DPH5: variants seen among roughly 807,000 people sequenced by gnomAD.
The protein encoded by DPH5 is diphthine methyl ester synthase.
DPH5 carries 31 observed loss-of-function variants against 31.6 expected under a neutral mutation model. The observed-to-expected ratio is 0.98, with a 90% CI of 0.74 to 1.32. The LOEUF (loss-of-function observed/expected upper bound fraction) is 1.32. Among genes scored for constraint, DPH5 ranks in the 40% most tolerant of loss-of-function variants. The pLI, the probability that DPH5 is intolerant of heterozygous loss-of-function variation, is 0.00. For synonymous variants in DPH5, 120 were observed against 115.0 expected (o/e 1.04, Z -0.28); for missense variants, 309 against 335.7 (o/e 0.92, Z 0.62).
chr1:100,992,538 G>T, intron 7 of DPH5, 99 bp downstream of exon 7: 1 of 768,448 alleles, frequency 1.3e-6, no homozygotes, highest in Non-Finnish European at 2.1e-6. Flanking sequence ...CAAAAATACT[G>T]ACTCTTGCTT....
Position 100,990,802 on chromosome 1 carries a change from C to CCCTAATAA in DPH5, c.635-172_635-171insTTATTAGG, listed in dbSNP as rs1232276969. ...AATTCATCCAAGGGATTTTCTAAAT[C>CCCTAATAA]ATTTGTATTACCTAATATAAAAGAG... On this transcript the variant is annotated intron_variant, in intron 7 of 7. Coordinates refer to ENST00000370109, the MANE Select transcript of DPH5 (RefSeq NM_015958.3). Among the ~76,000 whole-genome samples, 6 of 152,326 alleles carry CCCTAATAA rather than the reference C, an allele frequency of 3.9e-5. No individual in the cohort carries two copies. In the East Asian group the frequency reaches 1.2e-3, roughly 29 times the overall value.
chr1:101,015,901 A>C (rs1439746160), intron 3 of DPH5, among the ~76,000 whole-genome samples: 2 of 152,220 alleles, frequency 1.3e-5, no homozygotes, highest in Non-Finnish European at 2.9e-5. Context: ...ACTTGAAGAG[A>C]GTTCGAGCCT....
intron 3 of DPH5, among the ~76,000 whole-genome samples, chr1:101,017,792 A>G (rs1258841153): frequency 1.3e-5 from 2 of 152,254 alleles, no homozygotes; most frequent in African/African-American, 4.8e-5. Context: ...TATGAAAAAT[A>G]ATCATTAATT....
intron 6 of DPH5, among the ~76,000 whole-genome samples, chr1:100,994,297 AAC>A (rs1327892423): frequency 6.6e-6 from 1 of 152,210 alleles, no homozygotes; most frequent in Non-Finnish European, 1.5e-5. Context: ...GTTTTCCAAT[AAC>A]AGAGTATCAT....
At position 101,001,496 on chromosome 1, in the gene DPH5, T is replaced by C. The variant is rs1425176940; in HGVS notation, c.461A>G (p.Gln154Arg). The change falls in exon 5 of 8, where the codon CAA (glutamine) becomes CGA (arginine). Residue 154 changes from glutamine to arginine, a missense_variant. By Grantham distance (43) the Gln-to-Arg change is conservative. Coordinates refer to ENST00000370109, the MANE Select transcript of DPH5 (RefSeq NM_015958.3). ...SFFDKVKKNR[Q>R]NGMHTLCLLD... ...TAAACATAATGTGTGCATGCCATTT[T>C]GTCTGTTCTTCTTCACTTTGTCAAA... 1 of 1,613,876 alleles carries C rather than the reference T, an allele frequency of 6.2e-7. No individual in the cohort carries two copies. Among genetic ancestry groups the C allele is most frequent in the African/African-American group, 1.3e-5 (1 of 75,052 alleles).
At chr1:101,018,409 T>C (rs981926229) in intron 3 of DPH5, among the ~76,000 whole-genome samples, 26 of 152,172 alleles carry the variant, frequency 1.7e-4, no homozygotes, top group African/African-American at 6.3e-4. Context: ...GGCTACTTTT[T>C]TGTATTTTTA....
At chr1:100,997,922 G>A (rs1385836504) in intron 5 of DPH5, among the ~76,000 whole-genome samples, 1 of 151,980 alleles carries the variant, frequency 6.6e-6, no homozygotes, top group Non-Finnish European at 1.5e-5. Flanking sequence ...ATCTAACTTT[G>A]GGATAACAAG....
chr1:101,019,163 T>C (rs911415570), intron 3 of DPH5, among the ~76,000 whole-genome samples: 1 of 152,212 alleles, frequency 6.6e-6, no homozygotes, highest in Non-Finnish European at 1.5e-5. Context: ...AGGGATAGAA[T>C]GTTTGAGACT....
chr1:100,993,587 TATATATATATAG>T (rs1468871657), intron 6 of DPH5, among the ~76,000 whole-genome samples: 2 of 113,826 alleles, frequency 1.8e-5, no homozygotes, highest in Non-Finnish European at 3.8e-5. Flanking sequence ...TATATATATA[TATATATATATAG>T]CTATTGTGGC....
intron 2 of DPH5, 45 bp from the exon 3 acceptor site, chr1:101,021,810 C>G (rs112464837): frequency 1.9e-4 from 265 of 1,373,168 alleles, no homozygotes; most frequent in Non-Finnish European, 2.5e-4. Flanking sequence ...CAGCAGGTGA[C>G]CATTCTAACA....
At position 100,992,730 on chromosome 1, in the gene DPH5, T is replaced by A; in HGVS notation, c.541A>T (p.Ile181Phe). 1 of 1,612,586 alleles carries A rather than the reference T, an allele frequency of 6.2e-7. No individual in the cohort carries two copies. Among genetic ancestry groups the A allele is most frequent in the Non-Finnish European group, 8.5e-7 (1 of 1,178,904 alleles). ...SLENLIKGRK[I>F]YEPPRYMSVN... ...CTCATATACCGTGGAGGTTCATAGA[T>A]CTTCCTTCCCCTATAGGCAGAAAAC... The change falls in exon 7 of 8, where the codon ATC becomes TTC. Residue 181 changes from isoleucine (I) to phenylalanine (F), a missense_variant. By Grantham distance (21) the Ile-to-Phe change is conservative (BLOSUM62 0). Transcript: ENST00000370109.
chr1:100,999,341 C>G (rs751959070), intron 5 of DPH5, among the ~76,000 whole-genome samples: 2 of 151,916 alleles, frequency 1.3e-5, no homozygotes, highest in Non-Finnish European at 2.9e-5. Context: ...TTCCAGCTAC[C>G]TAGAAGGCTG....
At chr1:100,991,464 C>T (rs1009393788) in intron 7 of DPH5, among the ~76,000 whole-genome samples, 2 of 152,114 alleles carry the variant, frequency 1.3e-5, no homozygotes, top group African/African-American at 4.8e-5. Context: ...ACATGGCCTA[C>T]CAATGAGAAT....
At chr1:101,010,411 T>G (rs1033890559) in intron 4 of DPH5, among the ~76,000 whole-genome samples, 1 of 152,184 alleles carries the variant, frequency 6.6e-6, no homozygotes, top group African/African-American at 2.4e-5. Flanking sequence ...TATACAACAA[T>G]TTTTACCATC....
intron 4 of DPH5, among the ~76,000 whole-genome samples, chr1:101,009,507 C>T (rs1195160876): frequency 2.0e-5 from 3 of 152,138 alleles, no homozygotes; most frequent in Non-Finnish European, 4.4e-5. Flanking sequence ...CCCCAAATCT[C>T]AATTCTCTTA....
chr1:100,995,096 GAAT>G lies in DPH5; in HGVS notation c.530+11_530+13del, dbSNP rs1285018654. The G allele has an allele frequency of 6.4e-7, 1 of 1,557,690 alleles. No individual in the cohort carries two copies. The highest frequency in any genetic ancestry group is 8.8e-7 in the Non-Finnish European group (1 of 1,130,192). ...AATAAAACACATGTATGCATTCTCA[GAAT>G]AATAACTTACTTGATTAGATTTTCC... On this transcript the variant is annotated intron_variant, in intron 6 of 7. Transcript: ENST00000370109.
In DPH5 at chr1:100,993,346, T is replaced by C. The variant is rs1171117459; in HGVS notation, c.531-606A>G. On this transcript the variant is annotated intron_variant, in intron 6 of 7. Transcript: ENST00000370109. ...GGCGGGTGGATCACAAAGTCAGGAG[T>C]TTGAGACCAGCCTGACCAACATGGT... 6.0e-5 allele frequency among the ~76,000 whole-genome samples: 9 copies of C among 150,266 alleles called. No homozygotes were observed. The East Asian group carries it at 1.6e-3, about 26-fold the overall frequency.
chr1:100,991,146 T>C (rs1286881530), intron 7 of DPH5, among the ~76,000 whole-genome samples: 1 of 152,224 alleles, frequency 6.6e-6, no homozygotes, highest in Non-Finnish European at 1.5e-5. Flanking sequence ...ATCATGGTAA[T>C]GAGAGCTAAG....
chr1:100,999,233 G>T (rs12746722), intron 5 of DPH5, among the ~76,000 whole-genome samples: 42,152 of 151,524 alleles, frequency 0.28, 6,103 homozygotes, highest in African/African-American at 0.36. Flanking sequence ...GTGGATCGCT[G>T]GAGCCCAGAA....
Sources: allele counts gnomAD v4.1 joint callset (sites outside exome capture counted in the v4.1 genomes callset), GRCh38; gene constraint gnomAD v4.1.1; transcripts MANE v1.5; gene names NCBI Gene and HGNC (gene_info 2026-07-23, HGNC 2026-07-21).